Variants in PUM2 observed in about 807,000 individuals in gnomAD.
The protein encoded by PUM2 is pumilio RNA binding family member 2.
In PUM2, 57 loss-of-function variants were observed where a neutral mutation model predicts 124.5. That is an observed-to-expected ratio of 0.46 (90% CI 0.37 to 0.57). The LOEUF is 0.57. PUM2 is among the 20% of genes least tolerant of loss of function. The pLI, the probability that PUM2 is intolerant of heterozygous loss-of-function variation, is 0.00. For missense variants in PUM2, 1,065 were observed against 1,290.6 expected (o/e 0.83, Z 2.68); for synonymous variants, 460 against 446.1 (o/e 1.03, Z -0.39).
At chr2:20,306,111 G>A (rs540123731) in intron 7 of PUM2, among the ~76,000 whole-genome samples, 10 of 152,098 alleles carry the variant, frequency 6.6e-5, no homozygotes, top group African/African-American at 1.2e-4. Flanking sequence ...AGGCTGCGGC[G>A]AGAGGATCAC....
chr2:20,255,857 A>G (rs1213646744), intron 17 of PUM2, among the ~76,000 whole-genome samples, 176 bp downstream of exon 17: 1 of 151,954 alleles, frequency 6.6e-6, no homozygotes, highest in East Asian at 1.9e-4. Flanking sequence ...CTTCAGAAAA[A>G]TGAAGCTATC....
chr2:20,297,068 G>A (rs1003478671), intron 8 of PUM2, among the ~76,000 whole-genome samples: 3 of 152,072 alleles, frequency 2.0e-5, no homozygotes, highest in African/African-American at 7.2e-5. Flanking sequence ...TTTCCAACTT[G>A]ATCCAAACTT....
intron 1 of PUM2, among the ~76,000 whole-genome samples, chr2:20,329,441 A>G (rs1482264734): frequency 4.6e-5 from 7 of 151,676 alleles, no homozygotes; most frequent in Non-Finnish European, 8.8e-5. Flanking sequence ...ATCTCAAAAA[A>G]AAAAAAAAAA....
At position 20,255,317 on chromosome 2, in the gene PUM2, A is replaced by G; in HGVS notation, c.2647T>C (p.Tyr883His). 6.2e-7 allele frequency: 1 copy of G among 1,612,672 alleles called. No individual in the cohort carries two copies. The highest frequency in any genetic ancestry group is 8.5e-7 in the Non-Finnish European group (1 of 1,179,094). ...ATGCGCTGAATTACTCTGCAGCCAT[A>G]AGGATGAGTTGAAAGCACAAATACC... ...GQVFVLSTHP[Y>H]GCRVIQRILE... is the part of the protein sequence containing the mutation. Residue 883 changes from tyrosine (Y) to histidine (H), a missense_variant, in exon 18 of 21, where the codon TAT (tyrosine) becomes CAT (histidine). Transcript: ENST00000361078.
chr2:20,339,725 T>A (rs934281234), intron 1 of PUM2, among the ~76,000 whole-genome samples: 1 of 152,030 alleles, frequency 6.6e-6, no homozygotes, highest in Non-Finnish European at 1.5e-5. Context: ...ACTAAAAATA[T>A]AAAACTTAGC....
At chr2:20,313,208 G>C (rs1045448180) in intron 3 of PUM2, among the ~76,000 whole-genome samples, 1 of 152,152 alleles carries the variant, frequency 6.6e-6, no homozygotes, top group African/African-American at 2.4e-5. Context: ...GCCAAAATTG[G>C]CAAATGGGAT....
intron 2 of PUM2, among the ~76,000 whole-genome samples, chr2:20,324,069 A>G (rs1463956108): frequency 6.6e-6 from 1 of 152,188 alleles, no homozygotes. Context: ...ACAAACTATG[A>G]CCAGCTATTT....
At chr2:20,350,537 G>A (rs575903088) in intron 1 of PUM2, 60 bp downstream of exon 1, 22 of 985,658 alleles carry the variant, frequency 2.2e-5, no homozygotes, top group Middle Eastern at 5.2e-4. Flanking sequence ...CACAAAGCCT[G>A]GGGAGCCATC....
At chr2:20,307,503 T>A (rs1052348753) in intron 7 of PUM2, among the ~76,000 whole-genome samples, 5 of 152,166 alleles carry the variant, frequency 3.3e-5, no homozygotes, top group African/African-American at 1.2e-4. Flanking sequence ...GGGAACTGGG[T>A]AAAGGGTATA....
chr2:20,333,651 G>A (rs1266101666), intron 1 of PUM2, among the ~76,000 whole-genome samples: 1 of 152,038 alleles, frequency 6.6e-6, no homozygotes, highest in Non-Finnish European at 1.5e-5. Context: ...GATGGTTCAC[G>A]CCTGTAATCT....
In PUM2 at chr2:20,343,581, G is replaced by A. The variant is rs561608923; in HGVS notation, c.-19+7016C>T. ...AAGAAATCATACCAAACCCTTGGAT[G>A]CAACCTTATTCCTAACACTAAGCTT... is the stretch of plus-strand genomic sequence containing the variant. On this transcript the variant is annotated intron_variant, in intron 1 of 20. Coordinates refer to ENST00000361078, the MANE Select transcript of PUM2 (RefSeq NM_015317.5). Among the ~76,000 whole-genome samples, 576 of 152,254 alleles carry A rather than the reference G, an allele frequency of 3.8e-3. 4 individuals are homozygous for A. Among genetic ancestry groups the A allele is most frequent in the African/African-American group, 0.013 (526 of 41,544 alleles).
chr2:20,273,019 T>G (rs989712739), intron 13 of PUM2, among the ~76,000 whole-genome samples: 9 of 152,252 alleles, frequency 5.9e-5, no homozygotes, highest in Non-Finnish European at 4.4e-5. Flanking sequence ...AAATCTCTCA[T>G]GAAGCACATC....
rs1443389678 is a variant in PUM2, at chr2:20,278,639, G to C, written c.1901C>G (p.Ser634Ter). The C allele has an allele frequency of 6.2e-7, 1 of 1,613,442 alleles. No homozygotes were observed. Among genetic ancestry groups the C allele is most frequent in the Non-Finnish European group, 8.5e-7 (1 of 1,179,650 alleles). The change falls in exon 13 of 21, where the codon TCA becomes TGA. Residue 634 changes from serine to a stop codon, truncating the protein, a stop_gained. Transcript: ENST00000361078. LOFTEE classifies it high-confidence loss of function. ...MPLPSQTPGH[S>*]LTPPPSLSSH... ...TGAAAGTGATGGCGGTGGCGTAAGTGAATGTCCTGGAGTTTGGCTTGGCAG... is the reference window on the plus strand; with the variant it reads ...TGAAAGTGATGGCGGTGGCGTAAGTCAATGTCCTGGAGTTTGGCTTGGCAG...
At chr2:20,338,756 C>A (rs746431779) in intron 1 of PUM2, among the ~76,000 whole-genome samples, 1 of 152,098 alleles carries the variant, frequency 6.6e-6, no homozygotes, top group Non-Finnish European at 1.5e-5. Flanking sequence ...TACAAATATT[C>A]CAGGTTATTA....
chr2:20,258,925 C>G (rs1665514409), intron 15 of PUM2, among the ~76,000 whole-genome samples: 1 of 152,000 alleles, frequency 6.6e-6, no homozygotes, highest in Non-Finnish European at 1.5e-5. Context: ...CCTCGGCCTC[C>G]CAAAGTGCTG....
At chr2:20,333,719 C>G (rs1450357982) in intron 1 of PUM2, among the ~76,000 whole-genome samples, 1 of 152,106 alleles carries the variant, frequency 6.6e-6, no homozygotes, top group East Asian at 1.9e-4. Flanking sequence ...TCAAGACCAG[C>G]CCTTGCAACA....
At chr2:20,326,848 T>C (rs943917300) in intron 2 of PUM2, among the ~76,000 whole-genome samples, 10 of 152,180 alleles carry the variant, frequency 6.6e-5, no homozygotes, top group African/African-American at 1.7e-4. Context: ...CTATGGCAGA[T>C]AGCAACTAGA....
rs148170612 is a variant in PUM2 at position 20,296,941 on chromosome 2, C to T, written c.1009+612G>A. The stretch of plus-strand genomic sequence containing the variant: ...GTCTCACTCTGTCACCCAGGCCAGG[C>T]GCTTCGGCATCCCAAAGAGCTAGGA... On this transcript the variant is annotated intron_variant, in intron 8 of 20. Transcript: ENST00000361078. 2.0e-3 allele frequency among the ~76,000 whole-genome samples: 309 copies of T among 152,192 alleles called. 3 individuals carry two copies. The highest frequency in any genetic ancestry group is 6.9e-3 in the African/African-American group (286 of 41,540).
At chr2:20,349,518 GTTT>G (rs761971122) in intron 1 of PUM2, among the ~76,000 whole-genome samples, 6 of 142,092 alleles carry the variant, frequency 4.2e-5, no homozygotes, top group East Asian at 2.0e-4. Context: ...ACTCATTTTT[GTTT>G]TTTTTTTTTT....
Sources: gnomAD v4.1 joint callset for allele counts (sites outside exome capture counted in the v4.1 genomes callset) on GRCh38, gnomAD v4.1.1 for gene constraint, MANE v1.5 for transcripts, NCBI Gene and HGNC (gene_info 2026-07-23, HGNC 2026-07-21) for gene names.